Variants in OR2I1 observed in about 807,000 individuals in gnomAD.
OR2I1 encodes olfactory receptor family 2 subfamily I member 1 (gene/pseudogene), also known as putative olfactory receptor 2I1.
chr6:29,556,391 G>T, the OR2I1 span: 373,614 of 1,509,066 alleles, frequency 0.25, 49,816 homozygotes, highest in South Asian at 0.32. Flanking sequence ...TAGGATGCCT[G>T]CCTCCTTTAC....
chr6:29,555,504 C>T, the OR2I1 span: 2 of 217,742 alleles, frequency 9.2e-6, no homozygotes, highest in African/African-American at 4.7e-5. Context: ...ATACAGAAAT[C>T]AGTAGAACAT....
chr6:29,550,432 C>T, the OR2I1 span: 1 of 33,062 alleles, frequency 3.0e-5, no homozygotes, highest in Admixed American at 2.9e-4. Context: ...ATGCTTCCTC[C>T]TCTCTAACTG....
the OR2I1 span, chr6:29,556,219 G>A: frequency 3.7e-6 from 6 of 1,612,946 alleles, no homozygotes; most frequent in African/African-American, 4.0e-5. Context: ...AGATCTTGGA[G>A]CCCAGCAAAA....
At chr6:29,553,428 G>T in the OR2I1 span, 4 of 398,830 alleles carry the variant, frequency 1.0e-5, no homozygotes, top group Non-Finnish European at 1.8e-5. Context: ...TGGTAGACGC[G>T]GGCTTCACTA....
the OR2I1 span, chr6:29,552,792 T>C: frequency 6.5e-6 from 1 of 154,376 alleles, no homozygotes; most frequent in East Asian, 1.9e-4. Flanking sequence ...TTAAGTTCTG[T>C]GTTTCTTTAA....
chr6:29,553,280 C>T, the OR2I1 span: 54 of 398,924 alleles, frequency 1.4e-4, no homozygotes, highest in African/African-American at 9.9e-4. Flanking sequence ...GACTGGCCTT[C>T]CCTGCAGCCG....
the OR2I1 span, among the ~76,000 whole-genome samples, chr6:29,551,920 G>A: frequency 6.6e-6 from 1 of 152,194 alleles, no homozygotes; most frequent in African/African-American, 2.4e-5. Flanking sequence ...AGGATGTTTT[G>A]GTAGGGAGCA....
At chr6:29,556,137 C>A in the OR2I1 span, 1 of 1,613,116 alleles carries the variant, frequency 6.2e-7, no homozygotes, top group Non-Finnish European at 8.5e-7. Context: ...CTGGGCTTCA[C>A]CACTTTCAGG....
At chr6:29,553,038 T>C in the OR2I1 span, 3 of 392,706 alleles carry the variant, frequency 7.6e-6, no homozygotes, top group African/African-American at 2.1e-5. Flanking sequence ...GCTCTTATTC[T>C]TAGGGAGTTT....
the OR2I1 span, chr6:29,556,440 T>A: frequency 1.1e-6 from 1 of 912,922 alleles, no homozygotes; most frequent in Non-Finnish European, 1.7e-6. Context: ...CCTCTTCCAC[T>A]ATCTATCTGG....
At chr6:29,555,065 C>A in the OR2I1 span, 1 of 152,326 alleles carries the variant, frequency 6.6e-6, no homozygotes, top group Non-Finnish European at 1.5e-5. Context: ...ACCTGCTAGA[C>A]CCTAAGGCAG....
At chr6:29,550,618 C>G in the OR2I1 span, 4 of 152,218 alleles carry the variant, frequency 2.6e-5, no homozygotes, top group Non-Finnish European at 5.9e-5. Flanking sequence ...CTTTCTTACC[C>G]GTTCTTTTTA....
the OR2I1 span, among the ~76,000 whole-genome samples, chr6:29,551,130 GT>G: frequency 6.6e-6 from 1 of 152,166 alleles, no homozygotes; most frequent in Non-Finnish European, 1.5e-5. Flanking sequence ...AAGAGGAATG[GT>G]TTAGAGCTTG....
chr6:29,553,966 C>T, the OR2I1 span: 4 of 398,624 alleles, frequency 1.0e-5, no homozygotes, highest in Non-Finnish European at 1.8e-5. Context: ...AGCCGTCTGC[C>T]TGTTCTACGG....
the OR2I1 span, chr6:29,550,491 T>C: frequency 6.6e-6 from 1 of 152,360 alleles, no homozygotes; most frequent in African/African-American, 2.4e-5. Context: ...CAGCTAATGC[T>C]GATTTGCTAC....
At chr6:29,556,508 G>C in the OR2I1 span, 3 of 579,234 alleles carry the variant, frequency 5.2e-6, no homozygotes, top group South Asian at 2.4e-5. Flanking sequence ...TTCTTTTTTG[G>C]AATTACCAAG....
At chr6:29,550,921 T>C in the OR2I1 span, 3 of 152,314 alleles carry the variant, frequency 2.0e-5, no homozygotes, top group East Asian at 5.8e-4. Context: ...CATTCTGAAA[T>C]ACCAAGTGAA....
chr6:29,554,780 G>A, the OR2I1 span: 4 of 152,184 alleles, frequency 2.6e-5, no homozygotes, highest in African/African-American at 9.7e-5. Flanking sequence ...TGTGGAAGAA[G>A]GCGGGCACGT....
chr6:29,551,364 A>G, the OR2I1 span, among the ~76,000 whole-genome samples: 130 of 152,344 alleles, frequency 8.5e-4, no homozygotes, highest in Admixed American at 2.9e-3. Context: ...ATCCTGGTTG[A>G]TCAAACAGGA....
Sources: gnomAD v4.1 joint callset for allele counts (sites outside exome capture counted in the v4.1 genomes callset) on GRCh38, gnomAD v4.1.1 for gene constraint, MANE v1.5 for transcripts, NCBI Gene and HGNC (gene_info 2026-07-23, HGNC 2026-07-21) for gene names.